Variants in CLNS1A observed in about 807,000 individuals in gnomAD.
CLNS1A encodes the protein chloride nucleotide-sensitive channel 1A, also known as methylosome subunit pICln.
CLNS1A carries 16 observed loss-of-function variants against 29.4 expected under a neutral mutation model. The ratio of observed to expected loss-of-function variants is 0.54; its 90% CI spans 0.37 to 0.83. CLNS1A has a LOEUF of 0.83. CLNS1A is among the 40% of genes least tolerant of loss of function. The pLI is 0.00. For synonymous variants in CLNS1A, 96 were observed against 104.8 expected, an observed-to-expected ratio of 0.92 and a Z score of 0.51; for missense variants, 235 against 287.4, an observed-to-expected ratio of 0.82 and a Z score of 1.32.
intron 6 of CLNS1A, among the ~76,000 whole-genome samples, chr11:77,617,549 A>T (rs1958917530): frequency 6.6e-6 from 1 of 151,926 alleles, no homozygotes; most frequent in Non-Finnish European, 1.5e-5. Flanking sequence ...GTCAAAAAAA[A>T]AAAAATGTAC....
chr11:77,637,243 T>TAAAAAAAAAAAAAAA (rs747109219), intron 1 of CLNS1A, among the ~76,000 whole-genome samples: 18 of 43,142 alleles, frequency 4.2e-4, no homozygotes, highest in African/African-American at 1.8e-3. Context: ...ATAGGCGAGT[T>TAAAAAAAAAAAAAAA]AAAAAAAAAA....
chr11:77,634,982 C>A (rs1180721574), intron 1 of CLNS1A, among the ~76,000 whole-genome samples: 1 of 151,988 alleles, frequency 6.6e-6, no homozygotes, highest in Non-Finnish European at 1.5e-5. Flanking sequence ...TTTTTGTATT[C>A]TTTGCAGAGA....
At chr11:77,620,555 T>C (rs1480394779) in intron 5 of CLNS1A, among the ~76,000 whole-genome samples, 4 of 152,286 alleles carry the variant, frequency 2.6e-5, no homozygotes, top group South Asian at 2.1e-4. Context: ...TCCCAGCACT[T>C]TGGGAGGCCA....
rs1351973223 is a variant in CLNS1A at position 77,625,762 on chromosome 11, C to G, written c.319G>C (p.Glu107Gln). 6.2e-7 allele frequency: 1 copy of G among 1,611,492 alleles called. No homozygotes were observed. The highest frequency in any genetic ancestry group is 8.5e-7 in the Non-Finnish European group (1 of 1,177,936). Residue 107 changes from glutamate to glutamine, a missense_variant, in exon 3 of 7, where the codon GAA (glutamate) becomes CAA (glutamine). Glu to Gln is a conservative substitution (Grantham distance 29). Transcript: ENST00000525428. The part of the protein sequence containing the change: ...EEEEDSDDDV[E>Q]PITEFRFVPS... ...ACAAATCTAAATTCAGTAATAGGTT[C>G]AACATCATCATCACTGTCTTCCTCT...
intron 2 of CLNS1A, among the ~76,000 whole-genome samples, chr11:77,626,448 G>A (rs1959020335): frequency 6.6e-6 from 1 of 152,032 alleles, no homozygotes; most frequent in Non-Finnish European, 1.5e-5. Flanking sequence ...AGTCCAGCCT[G>A]GCCAATATGG....
intron 5 of CLNS1A, among the ~76,000 whole-genome samples, chr11:77,620,536 C>T (rs1402522323): frequency 3.9e-5 from 6 of 152,328 alleles, no homozygotes; most frequent in South Asian, 4.1e-4. Context: ...CAGTGGCTCA[C>T]GCCTGTAATC....
chr11:77,622,097 TAGC>T (rs1487858557), intron 5 of CLNS1A: 1 of 456,652 alleles, frequency 2.2e-6, no homozygotes, highest in African/African-American at 2.0e-5. Flanking sequence ...CGTGGACTTC[TAGC>T]CTCCAAAACT....
At chr11:77,626,535 A>G (rs1052044588) in intron 2 of CLNS1A, among the ~76,000 whole-genome samples, 2 of 151,540 alleles carry the variant, frequency 1.3e-5, no homozygotes, top group African/African-American at 2.4e-5. Flanking sequence ...GCTACTCAGG[A>G]GGTTGAGGCA....
intron 6 of CLNS1A, chr11:77,618,812 T>C (rs557488536): frequency 6.6e-6 from 1 of 152,340 alleles, no homozygotes; most frequent in South Asian, 2.1e-4. Context: ...TCTGAAATAT[T>C]TATCATTGCA....
chr11:77,623,992 G>A (rs900046953), intron 4 of CLNS1A, among the ~76,000 whole-genome samples: 2 of 152,346 alleles, frequency 1.3e-5, no homozygotes, highest in African/African-American at 2.4e-5. Context: ...GGCCAGGCCC[G>A]GTGGCTCATG....
At chr11:77,628,424 A>G (rs1017710413) in intron 2 of CLNS1A, among the ~76,000 whole-genome samples, 2 of 152,234 alleles carry the variant, frequency 1.3e-5, no homozygotes, top group Non-Finnish European at 2.9e-5. Flanking sequence ...AAGTCTTACT[A>G]CACTACTACA....
intron 6 of CLNS1A, chr11:77,618,480 G>C (rs1194921161): frequency 6.6e-6 from 1 of 152,132 alleles, no homozygotes; most frequent in Non-Finnish European, 1.5e-5. Context: ...ACTGACAAAA[G>C]TAAATGTGGA....
chr11:77,619,411 A>G lies in CLNS1A; in HGVS notation c.*22+195T>C, dbSNP rs1958934946. ...CTGGGTGTGGTAAGCATGTGCCTAT[A>G]GTCCCAGCTATTTGGGAGGGTGAGG... On this transcript the variant is annotated intron_variant, in intron 6 of 6. Coordinates refer to ENST00000525428, the MANE Select transcript of CLNS1A (RefSeq NM_001293.3). 3 of 539,626 alleles carry G rather than the reference A, an allele frequency of 5.6e-6. No homozygotes were observed. The African/African-American group carries it at 5.8e-5, about 10-fold the overall frequency. 33.4% of individuals were successfully genotyped at this position (539,626 alleles called of 1,614,324 possible).
intron 6 of CLNS1A, among the ~76,000 whole-genome samples, chr11:77,617,053 C>T (rs1046045951): frequency 2.6e-5 from 4 of 152,130 alleles, no homozygotes; most frequent in African/African-American, 7.2e-5. Context: ...TCTTTTAAAG[C>T]ATGTACAATT....
At chr11:77,623,184 CAG>C (rs1417806208) in intron 4 of CLNS1A, among the ~76,000 whole-genome samples, 1 of 152,052 alleles carries the variant, frequency 6.6e-6, no homozygotes, top group Non-Finnish European at 1.5e-5. Flanking sequence ...TTCCTAAGGT[CAG>C]AGAGTCCTAC....
At chr11:77,623,573 C>A (rs1398425842) in intron 4 of CLNS1A, among the ~76,000 whole-genome samples, 2 of 144,286 alleles carry the variant, frequency 1.4e-5, no homozygotes, top group Admixed American at 7.1e-5. Context: ...GCCTGGGCAA[C>A]AGAGTTAGAC....
chr11:77,623,458 G>A (rs757295383), intron 4 of CLNS1A, among the ~76,000 whole-genome samples: 9 of 151,952 alleles, frequency 5.9e-5, no homozygotes, highest in Non-Finnish European at 1.2e-4. Flanking sequence ...AGCCGGGCAC[G>A]TGGTGTGCAC....
intron 1 of CLNS1A, among the ~76,000 whole-genome samples, chr11:77,635,355 CTT>C (rs796095213): frequency 8.2e-5 from 11 of 134,150 alleles, no homozygotes; most frequent in African/African-American, 8.2e-5. Flanking sequence ...TGAAATTTTT[CTT>C]TTTTTTTTTT....
In CLNS1A at chr11:77,614,915, A is replaced by G. The variant is rs1309839479; in HGVS notation, c.*1803T>C. ...GACCTGCTCTTTTTTCTCAGCTTCTATTTTCTCAATGCTACGGTTCTAACT... is the reference window on the plus strand; with the variant it reads ...GACCTGCTCTTTTTTCTCAGCTTCTGTTTTCTCAATGCTACGGTTCTAACT... On this transcript the variant is annotated 3_prime_UTR_variant, in exon 7 of 7. Coordinates refer to ENST00000525428, the MANE Select transcript of CLNS1A (RefSeq NM_001293.3). The G allele has an allele frequency of 2.0e-5, 3 of 152,076 alleles. No individual in the cohort carries two copies. In the East Asian group the frequency reaches 5.8e-4, roughly 29 times the overall value. 9.4% of individuals were successfully genotyped at this position (152,076 alleles called of 1,614,324 possible). A position where few individuals can be genotyped will look rare whatever the true frequency, so the allele number is the denominator to read the frequency against.
Sources: gnomAD v4.1 joint callset for allele counts (sites outside exome capture counted in the v4.1 genomes callset) on GRCh38, gnomAD v4.1.1 for gene constraint, MANE v1.5 for transcripts, NCBI Gene and HGNC (gene_info 2026-07-23, HGNC 2026-07-21) for gene names.